The following CAPS2 variants were observed in gnomAD, a reference collection of about 807,000 sequenced individuals.
CAPS2 encodes calcyphosin-2.
In CAPS2, 98 loss-of-function variants were observed where a neutral mutation model predicts 86.5. That is an observed-to-expected ratio of 1.13 (90% CI 0.96 to 1.34). CAPS2 has a LOEUF of 1.34. CAPS2 is among the 40% of genes most tolerant of loss of function. The probability of loss-of-function intolerance (pLI) is 0.00; values close to 1 mark genes in which losing one functional copy is unlikely to be tolerated. For missense variants in CAPS2, 729 were observed against 686.8 expected, an observed-to-expected ratio of 1.06 and a Z score of -0.69; for synonymous variants, 210 against 225.1, an observed-to-expected ratio of 0.93 and a Z score of 0.60.
upstream of CAPS2, chr12:75,326,676 A>T (rs571755977): frequency 1.8e-6 from 1 of 556,956 alleles, no homozygotes. Flanking sequence ...TTATAGGGCA[A>T]TTACATTATG....
intron 1 of CAPS2, among the ~76,000 whole-genome samples, chr12:75,340,118 G>GTA (rs1370471228): frequency 6.7e-6 from 1 of 150,344 alleles, no homozygotes; most frequent in Non-Finnish European, 1.5e-5. Context: ...TCCATTATAT[G>GTA]TATATATTTT....
At chr12:75,347,661 G>A (rs759619651) in intron 1 of CAPS2, 1 of 1,608,940 alleles carries the variant, frequency 6.2e-7, no homozygotes, top group Admixed American at 1.7e-5. Flanking sequence ...TTGTGCAGTT[G>A]CAATGTGTCC....
At chr12:75,299,673 TTA>T (rs2138541285) in intron 9 of CAPS2, among the ~76,000 whole-genome samples, 162 bp downstream of exon 9, 1 of 152,272 alleles carries the variant, frequency 6.6e-6, no homozygotes, top group East Asian at 1.9e-4. Context: ...TCCTATATTT[TTA>T]TAACAGATTA....
intron 1 of CAPS2, among the ~76,000 whole-genome samples, chr12:75,340,744 A>AT (rs201980555): frequency 6.6e-6 from 1 of 151,808 alleles, no homozygotes; most frequent in African/African-American, 2.4e-5. Flanking sequence ...AAAAAAAAAA[A>AT]GAAAAAAATT....
chr12:75,334,084 A>G (rs2041536634), upstream of CAPS2: 3 of 152,220 alleles, frequency 2.0e-5, no homozygotes, highest in South Asian at 6.2e-4. Context: ...GTCAAGAGGA[A>G]CTACTTGGCT....
chr12:75,299,679 C>A (rs1036127740), intron 9 of CAPS2, among the ~76,000 whole-genome samples, 158 bp downstream of exon 9: 2 of 152,010 alleles, frequency 1.3e-5, no homozygotes, highest in African/African-American at 4.8e-5. Flanking sequence ...ATTTTTATAA[C>A]AGATTAATAG....
At chr12:75,341,068 G>A (rs1038234632) in intron 1 of CAPS2, among the ~76,000 whole-genome samples, 3 of 151,330 alleles carry the variant, frequency 2.0e-5, no homozygotes, top group Non-Finnish European at 2.9e-5. Flanking sequence ...ACTTACATAT[G>A]ACTTAGACTT....
chr12:75,368,447 T>C (rs1487808670), intron 1 of CAPS2, among the ~76,000 whole-genome samples: 1 of 151,792 alleles, frequency 6.6e-6, no homozygotes, highest in East Asian at 1.9e-4. Flanking sequence ...GGGTTTCTAA[T>C]ATAACACAGC....
intron 1 of CAPS2, among the ~76,000 whole-genome samples, chr12:75,386,403 C>T (rs2045294093): frequency 6.6e-6 from 1 of 152,150 alleles, no homozygotes; most frequent in South Asian, 2.1e-4. Flanking sequence ...TGGTGAGGGC[C>T]TGCTGGCTGT....
intron 7 of CAPS2, chr12:75,305,325 G>A (rs2038320777): frequency 3.6e-6 from 1 of 280,530 alleles, no homozygotes; most frequent in Non-Finnish European, 6.7e-6. Context: ...TCCTAGAAGA[G>A]GAGATATTTG....
chr12:75,337,246 A>G (rs1241094983), intron 1 of CAPS2, among the ~76,000 whole-genome samples: 1 of 151,796 alleles, frequency 6.6e-6, no homozygotes, highest in Non-Finnish European at 1.5e-5. Flanking sequence ...AAAACTAAAG[A>G]TGATCATAAT....
chr12:75,323,692 G>A (rs1307331946), intron 2 of CAPS2, among the ~76,000 whole-genome samples: 3 of 152,178 alleles, frequency 2.0e-5, no homozygotes, highest in East Asian at 3.9e-4. Context: ...GTGGTGAGCC[G>A]AGATTGCGCC....
intron 7 of CAPS2, chr12:75,305,925 G>A (rs116611009): frequency 3.0e-5 from 29 of 981,012 alleles, no homozygotes; most frequent in Non-Finnish European, 4.5e-5. Context: ...TGAAGTCTGC[G>A]CTGGTGAAAG....
intron 6 of CAPS2, among the ~76,000 whole-genome samples, chr12:75,313,669 T>G (rs2039458201): frequency 6.6e-6 from 1 of 152,136 alleles, no homozygotes; most frequent in Non-Finnish European, 1.5e-5. Context: ...GGTTAAAAAA[T>G]TAAGAGGTCA....
intron 1 of CAPS2, among the ~76,000 whole-genome samples, chr12:75,359,599 A>G (rs2043426868): frequency 1.3e-5 from 2 of 152,094 alleles, no homozygotes; most frequent in South Asian, 4.1e-4. Flanking sequence ...ACTGTAAAAT[A>G]TTCCCAACAT....
intron 13 of CAPS2, among the ~76,000 whole-genome samples, chr12:75,291,422 T>C (rs2035827442): frequency 7.6e-6 from 1 of 130,984 alleles, no homozygotes; most frequent in South Asian, 2.4e-4. Context: ...ATAATACTAG[T>C]TAGGACCATT....
chr12:75,304,809 C>A, exon 8 of CAPS2: 3 of 1,610,380 alleles, frequency 1.9e-6, no homozygotes, highest in South Asian at 2.2e-5. Flanking sequence ...ATCTTTGAAT[C>A]TGGAAGGATA....
At chr12:75,320,471 G>A (rs768480852) in intron 5 of CAPS2, among the ~76,000 whole-genome samples, 2 of 151,966 alleles carry the variant, frequency 1.3e-5, no homozygotes, top group African/African-American at 2.4e-5. Context: ...ATATTTCTGT[G>A]TTTATATTTG....
chr12:75,298,462 G>T lies in CAPS2; in HGVS notation c.1044+225C>A, dbSNP rs1472602594. On this transcript the variant is annotated intron_variant, in intron 11 of 16. Transcript: ENST00000393284. Reference sequence around the variant, plus strand: ...CCCATGTTGTGGAATGGGAAGGGGGGTGTTACAGAAAATAAATGATATGCT... The same window carrying T: ...CCCATGTTGTGGAATGGGAAGGGGGTTGTTACAGAAAATAAATGATATGCT... The T allele has an allele frequency of 1.6e-5, 8 of 497,242 alleles. 1 individual carries two copies. The highest frequency in any genetic ancestry group is 7.6e-5 in the African/African-American group (4 of 52,626). 30.8% of individuals were successfully genotyped at this position (497,242 alleles called of 1,614,324 possible). A position where few individuals can be genotyped will look rare whatever the true frequency, so the allele number is the denominator to read the frequency against.
Sources: allele counts gnomAD v4.1 joint callset (sites outside exome capture counted in the v4.1 genomes callset), GRCh38; gene constraint gnomAD v4.1.1; transcripts MANE v1.5; gene names NCBI Gene and HGNC (gene_info 2026-07-23, HGNC 2026-07-21).